VWA3B: variants seen among roughly 807,000 people sequenced by gnomAD.
The protein encoded by VWA3B is von Willebrand factor A domain containing 3B.
In VWA3B, 138 loss-of-function variants were observed where a neutral mutation model predicts 158.3. The ratio of observed to expected loss-of-function variants is 0.87; its 90% CI spans 0.76 to 1.00. VWA3B has a LOEUF of 1.00. VWA3B is among the 50% of genes least tolerant of loss of function. VWA3B has a pLI of 0.00. For synonymous variants in VWA3B, 596 were observed against 587.3 expected, an observed-to-expected ratio of 1.01 and a Z score of -0.21; for missense variants, 1,555 against 1,565.1, an observed-to-expected ratio of 0.99 and a Z score of 0.11.
chr2:98,168,079 T>C (rs989987387), intron 8 of VWA3B, among the ~76,000 whole-genome samples: 1 of 152,094 alleles, frequency 6.6e-6, no homozygotes, highest in South Asian at 2.1e-4. Context: ...AATCAAAGAT[T>C]ACAAGGCATG....
At chr2:98,151,586 G>A (rs1210350014) in intron 7 of VWA3B, among the ~76,000 whole-genome samples, 1 of 152,218 alleles carries the variant, frequency 6.6e-6, no homozygotes, top group African/African-American at 2.4e-5. Context: ...GAAAGTGAAC[G>A]TTTGATGAAC....
chr2:98,188,060 A>C lies in VWA3B; in HGVS notation c.1397A>C (p.Asn466Thr). 2 of 1,614,046 alleles carry C rather than the reference A, an allele frequency of 1.2e-6. 1 individual carries two copies. The highest frequency in any genetic ancestry group is 2.2e-5 in the South Asian group (2 of 91,052). ...PWKDGSLVHVNITKEKCKWYS... is the reference protein window; with the variant it reads ...PWKDGSLVHVTITKEKCKWYS... ...AAGGATGGGAGCTTGGTCCACGTCA[A>C]CATTACCAAAGAGAAGTGCAAGTGG... is the stretch of plus-strand genomic sequence containing the variant. Residue 466 changes from asparagine (N) to threonine (T), a missense_variant, in exon 10 of 28, where the codon AAC (asparagine) becomes ACC (threonine). Physicochemically the swap from Asn to Thr is moderately conservative, Grantham distance 65. Transcript: ENST00000477737.
Position 98,203,459 on chromosome 2 carries a change from C to G in VWA3B, c.1738-8471C>G, listed in dbSNP as rs1042987296. ...AAATTGAAAACAAACTTCTTTATGC[C>G]TATTGAAAACCTTGCTGACATTTGG... On this transcript the variant is annotated intron_variant, in intron 12 of 27. Coordinates refer to ENST00000477737, the MANE Select transcript of VWA3B (RefSeq NM_144992.5). Among the ~76,000 whole-genome samples the G allele has an allele frequency of 2.0e-5, 3 of 152,258 alleles. No individual in the cohort carries two copies. The East Asian group carries it at 5.8e-4, about 29-fold the overall frequency.
At chr2:98,205,378 C>A (rs139260714) in intron 12 of VWA3B, among the ~76,000 whole-genome samples, 2 of 152,038 alleles carry the variant, frequency 1.3e-5, no homozygotes, top group African/African-American at 4.8e-5. Context: ...TTGTAATAGG[C>A]CCTGTTTTGT....
chr2:98,289,281 C>T (rs1172795827), intron 22 of VWA3B, among the ~76,000 whole-genome samples: 1 of 152,092 alleles, frequency 6.6e-6, no homozygotes, highest in Non-Finnish European at 1.5e-5. Context: ...TCCTGGGAGA[C>T]TTCCTGCTGT....
At chr2:98,188,623 T>G (rs1681326118) in intron 10 of VWA3B, among the ~76,000 whole-genome samples, 1 of 152,244 alleles carries the variant, frequency 6.6e-6, no homozygotes, top group African/African-American at 2.4e-5. Context: ...CTTAATTTGC[T>G]TAACATAATG....
chr2:98,170,235 T>C (rs936412677), intron 8 of VWA3B, among the ~76,000 whole-genome samples: 2 of 152,198 alleles, frequency 1.3e-5, no homozygotes, highest in African/African-American at 4.8e-5. Context: ...GAACTCCTCA[T>C]TTGGAATAAC....
At chr2:98,143,311 T>C (rs1289820900) in intron 7 of VWA3B, among the ~76,000 whole-genome samples, 1 of 152,182 alleles carries the variant, frequency 6.6e-6, no homozygotes, top group African/African-American at 2.4e-5. Context: ...AGTGTTGGGA[T>C]TACAGGCGTG....
chr2:98,141,263 G>A (rs934788451), intron 7 of VWA3B, among the ~76,000 whole-genome samples: 2 of 152,176 alleles, frequency 1.3e-5, no homozygotes, highest in Non-Finnish European at 2.9e-5. Flanking sequence ...TGCGATAAAG[G>A]AACACCTGAG....
chr2:98,321,599 T>A, the VWA3B span, among the ~76,000 whole-genome samples: 1 of 152,218 alleles, frequency 6.6e-6, no homozygotes, highest in African/African-American at 2.4e-5. Context: ...AGCTTTAAGA[T>A]GTGACTGCCC....
chr2:98,276,831 G>A (rs1415486157), intron 22 of VWA3B, among the ~76,000 whole-genome samples: 1 of 152,232 alleles, frequency 6.6e-6, no homozygotes, highest in East Asian at 1.9e-4. Context: ...ATGGAGTCTG[G>A]ATGACCGGGG....
chr2:98,227,442 T>A (rs1178618165), intron 14 of VWA3B, among the ~76,000 whole-genome samples: 1 of 152,206 alleles, frequency 6.6e-6, no homozygotes, highest in Non-Finnish European at 1.5e-5. Flanking sequence ...AAGACTTGTA[T>A]GCAAATGTGT....
At chr2:98,197,017 A>G (rs1682107926) in intron 12 of VWA3B, among the ~76,000 whole-genome samples, 1 of 152,184 alleles carries the variant, frequency 6.6e-6, no homozygotes, top group African/African-American at 2.4e-5. Context: ...TTCAGCCTTC[A>G]TCAGTTTTCC....
intron 7 of VWA3B, among the ~76,000 whole-genome samples, chr2:98,140,542 G>A (rs1413627036): frequency 6.6e-6 from 1 of 152,208 alleles, no homozygotes; most frequent in Non-Finnish European, 1.5e-5. Flanking sequence ...GTTCCGTTAA[G>A]GAGGCAGCAC....
At chr2:98,116,984 T>C (rs971198412) in intron 3 of VWA3B, among the ~76,000 whole-genome samples, 1 of 152,234 alleles carries the variant, frequency 6.6e-6, no homozygotes, top group African/African-American at 2.4e-5. Context: ...GTTTGGTTCT[T>C]TCTTAATATG....
intron 19 of VWA3B, among the ~76,000 whole-genome samples, chr2:98,242,031 T>A (rs1411767127): frequency 2.0e-5 from 3 of 152,136 alleles, no homozygotes; most frequent in African/African-American, 7.3e-5. Flanking sequence ...TGGACTTTTA[T>A]GAAAAAGCAG....
intron 15 of VWA3B, chr2:98,229,079 G>A (rs1460525447): frequency 6.6e-6 from 1 of 152,120 alleles, no homozygotes; most frequent in Non-Finnish European, 1.5e-5. Flanking sequence ...CTTAAGGTAG[G>A]GCATGACTGT....
At chr2:98,158,979 C>T (rs1411098689) in intron 7 of VWA3B, among the ~76,000 whole-genome samples, 6 of 152,142 alleles carry the variant, frequency 3.9e-5, no homozygotes. Context: ...TGCCAAATGA[C>T]CGTATTAATG....
chr2:98,157,515 A>G (rs1329853302), intron 7 of VWA3B, among the ~76,000 whole-genome samples: 1 of 152,208 alleles, frequency 6.6e-6, no homozygotes, highest in Non-Finnish European at 1.5e-5. Context: ...TATGGATGCA[A>G]TGTGGCCCTT....
Sources: gnomAD v4.1 joint callset for allele counts (sites outside exome capture counted in the v4.1 genomes callset) on GRCh38, gnomAD v4.1.1 for gene constraint, MANE v1.5 for transcripts, NCBI Gene and HGNC (gene_info 2026-07-23, HGNC 2026-07-21) for gene names.